G3BP2: variants seen among roughly 807,000 people sequenced by gnomAD.
G3BP2 encodes G3BP stress granule assembly factor 2.
Under a neutral mutation model 56.7 loss-of-function variants are expected in G3BP2, and 11 were observed. That is an observed-to-expected ratio of 0.19 (90% CI 0.12 to 0.32). G3BP2 has a LOEUF of 0.32. G3BP2 is among the 10% of genes least tolerant of loss of function. G3BP2 has a pLI of 1.00. For synonymous variants in G3BP2, 165 were observed against 191.6 expected, an observed-to-expected ratio of 0.86 and a Z score of 1.15; for missense variants, 340 against 610.9, an observed-to-expected ratio of 0.56 and a Z score of 4.67.
At chr4:75,711,863 T>A (rs538343111) in intron 3 of G3BP2, among the ~76,000 whole-genome samples, 47 of 152,190 alleles carry the variant, frequency 3.1e-4, no homozygotes, top group Admixed American at 2.0e-4. Flanking sequence ...AGCAAACTAG[T>A]AGTTTTGTTG....
At chr4:75,657,827 A>C in intron 3 of G3BP2, 97 bp from the exon 4 acceptor site, 1 of 726,224 alleles carries the variant, frequency 1.4e-6, no homozygotes, top group Non-Finnish European at 2.3e-6. Context: ...ACAACTCTGC[A>C]ATATTAACTA....
intron 3 of G3BP2, among the ~76,000 whole-genome samples, chr4:75,692,073 A>G (rs1718881321): frequency 6.6e-6 from 1 of 152,182 alleles, no homozygotes; most frequent in Non-Finnish European, 1.5e-5. Context: ...AAAAAATGTT[A>G]GCTGCCTTTC....
intron 7 of G3BP2, 94 bp from the exon 8 acceptor site, chr4:75,654,175 C>G: frequency 1.5e-6 from 1 of 675,132 alleles, no homozygotes; most frequent in Non-Finnish European, 2.7e-6. Context: ...CTTTTCATTT[C>G]TAAACTATTG....
At chr4:75,689,118 C>T (rs1718744100) in intron 3 of G3BP2, among the ~76,000 whole-genome samples, 1 of 152,178 alleles carries the variant, frequency 6.6e-6, no homozygotes, top group Non-Finnish European at 1.5e-5. Context: ...CGTGGAGGCT[C>T]ACTCCTGTAA....
rs558887352 is a variant in G3BP2 at position 75,648,804 on chromosome 4, C to A, written c.826-63G>T. 21 of 909,914 alleles carry A rather than the reference C, an allele frequency of 2.3e-5. No individual in the cohort carries two copies. The African/African-American group carries it at 2.3e-4, about 10-fold the overall frequency. The allele number at this position is 909,914 out of a possible 1,614,324, so 56.4% of individuals were successfully genotyped here. On this transcript the variant is annotated intron_variant, in intron 8 of 11. Coordinates refer to ENST00000359707, the MANE Select transcript of G3BP2 (RefSeq NM_203505.3). ...TCCACTGGAGAAAAACCAACCAAAG[C>A]ACCTAACGACAAGTCACTAGCAGAC...
chr4:75,693,187 T>C (rs1197306020), intron 3 of G3BP2, among the ~76,000 whole-genome samples: 1 of 152,070 alleles, frequency 6.6e-6, no homozygotes, highest in Non-Finnish European at 1.5e-5. Context: ...GAGGTTGCAG[T>C]GAGCCGAGAG....
At position 75,657,598 on chromosome 4, in the gene G3BP2, G is replaced by A; in HGVS notation, c.310C>T (p.Pro104Ser). 6.2e-7 allele frequency: 1 copy of A among 1,612,426 alleles called. No homozygotes were observed. Among genetic ancestry groups the A allele is most frequent in the Non-Finnish European group, 8.5e-7 (1 of 1,179,372 alleles). Residue 104 changes from proline (P) to serine (S), a missense_variant, in exon 4 of 12, where the codon CCA becomes TCA. By Grantham distance (74) the Pro-to-Ser change is moderately conservative. Around this residue, in one of 4 missense-constraint regions of G3BP2, gnomAD observed 224 missense variants for 332.5 expected, o/e 0.67. Coordinates refer to ENST00000359707, the MANE Select transcript of G3BP2 (RefSeq NM_203505.3). The stretch of plus-strand genomic sequence containing the variant: ...AAGGTTTGCATAAACTTTCTTTCTG[G>A]TTGTCCACTGTTAGACAGCAAACCC... ...VMGLLSNSGQ[P>S]ERKFMQTFVL...
intron 3 of G3BP2, among the ~76,000 whole-genome samples, chr4:75,707,713 T>A (rs967864043): frequency 2.0e-5 from 3 of 151,864 alleles, no homozygotes; most frequent in Admixed American, 1.3e-4. Flanking sequence ...TGTAGAAAAA[T>A]GTTGATTGGG....
chr4:75,712,134 T>C (rs1486549254), intron 3 of G3BP2, among the ~76,000 whole-genome samples: 2 of 152,216 alleles, frequency 1.3e-5, no homozygotes, highest in African/African-American at 4.8e-5. Context: ...TATACATGTA[T>C]TGAAATGTCA....
At chr4:75,709,332 A>C (rs1719666018) in intron 3 of G3BP2, among the ~76,000 whole-genome samples, 1 of 145,152 alleles carries the variant, frequency 6.9e-6, no homozygotes, top group Non-Finnish European at 1.5e-5. Flanking sequence ...AGGAAGGAGA[A>C]TCGCTTGAAC....
In G3BP2 at chr4:75,657,663, G is replaced by A; in HGVS notation, c.245C>T (p.Ala82Val). 6.2e-7 allele frequency: 1 copy of A among 1,611,836 alleles called. No individual in the cohort carries two copies. The highest frequency in any genetic ancestry group is 8.5e-7 in the Non-Finnish European group (1 of 1,178,026). ...ECHTKIRHVD[A>V]HATLSDGVVV... ...TACTCCATCACTCAAGGTTGCATGA[G>A]CATCCACATGACGAATTTTAGTATG... The change falls in exon 4 of 12, where the codon GCT (alanine) becomes GTT (valine). Residue 82 changes from alanine (A) to valine (V), a missense_variant. Ala to Val is a moderately conservative substitution (Grantham distance 64). This residue lies in a region of G3BP2 where 224 missense variants were observed against 332.5 expected (regional missense o/e 0.67). Transcript: ENST00000359707.
chr4:75,712,890 T>G (rs1316731643), intron 3 of G3BP2, among the ~76,000 whole-genome samples: 1 of 152,066 alleles, frequency 6.6e-6, no homozygotes, highest in Non-Finnish European at 1.5e-5. Context: ...TGACAAAAGA[T>G]TTAAGAGAAT....
intron 3 of G3BP2, among the ~76,000 whole-genome samples, chr4:75,688,000 GC>G (rs1450023633): frequency 6.6e-6 from 1 of 152,214 alleles, no homozygotes; most frequent in East Asian, 1.9e-4. Flanking sequence ...CCAGCCTGCT[GC>G]CACTGGGCTA....
intron 3 of G3BP2, among the ~76,000 whole-genome samples, chr4:75,699,433 G>A (rs1281883397): frequency 6.6e-6 from 1 of 152,166 alleles, no homozygotes; most frequent in Non-Finnish European, 1.5e-5. Flanking sequence ...AAGAAGAGCA[G>A]AGTTTCAGAG....
chr4:75,719,271 C>T (rs1408356187), intron 3 of G3BP2, among the ~76,000 whole-genome samples: 1 of 148,110 alleles, frequency 6.8e-6, no homozygotes, highest in African/African-American at 2.5e-5. Flanking sequence ...TGGTGTGAAC[C>T]CGGGAGGCGG....
At chr4:75,671,206 G>C (rs1733457320) in intron 1 of G3BP2, among the ~76,000 whole-genome samples, 1 of 152,150 alleles carries the variant, frequency 6.6e-6, no homozygotes, top group Admixed American at 6.5e-5. Context: ...CTGAATTTAA[G>C]TTCAGACGCA....
intron 3 of G3BP2, among the ~76,000 whole-genome samples, chr4:75,691,733 G>C (rs921201922): frequency 6.6e-6 from 1 of 152,134 alleles, no homozygotes; most frequent in Admixed American, 6.5e-5. Context: ...ACTGATGCCC[G>C]AGTCCTACCT....
Position 75,720,840 on chromosome 4 carries a change from T to TAAAAAAAA in G3BP2, c.-25+36_-25+37insTTTTTTTT, listed in dbSNP as rs869191979. ...ATAAATAAATAAATAAATAAATAAA[T>TAAAAAAAA]AAAAATATTTTGAAGCCTGGGGCAG... On this transcript the variant is annotated intron_variant, in intron 3 of 3. Transcript: ENST00000499709. Among the ~76,000 whole-genome samples the TAAAAAAAA allele has an allele frequency of 3.7e-5, 5 of 135,660 alleles. No individual in the cohort carries two copies. The East Asian group carries it at 1.0e-3, about 28-fold the overall frequency. 89.0% of individuals were successfully genotyped at this position (135,660 alleles called of 152,430 possible). A position where few individuals can be genotyped will look rare whatever the true frequency, so the allele number is the denominator to read the frequency against.
chr4:75,701,736 A>T (rs1273365722), intron 3 of G3BP2, among the ~76,000 whole-genome samples: 2 of 152,034 alleles, frequency 1.3e-5, no homozygotes, highest in Non-Finnish European at 2.9e-5. Flanking sequence ...CCTGTTTTAT[A>T]TTTTAGCTAC....
Sources: allele counts gnomAD v4.1 joint callset (sites outside exome capture counted in the v4.1 genomes callset), GRCh38; gene constraint gnomAD v4.1.1; regional missense constraint gnomAD v4.1.1; transcripts MANE v1.5; gene names NCBI Gene and HGNC (gene_info 2026-07-23, HGNC 2026-07-21).